Variants in OPCML observed in about 807,000 individuals in gnomAD.
OPCML encodes opioid-binding protein/cell adhesion molecule.
In OPCML, 13 loss-of-function variants were observed where a neutral mutation model predicts 37.8. The ratio of observed to expected loss-of-function variants is 0.34; its 90% CI spans 0.22 to 0.55. OPCML has a LOEUF of 0.55. Ranked by LOEUF, OPCML falls within the 20% of genes least tolerant of loss-of-function variation. OPCML has a pLI of 0.91. For missense variants in OPCML, 341 were observed against 435.6 expected (o/e 0.78, Z 1.93); for synonymous variants, 176 against 168.8 (o/e 1.04, Z -0.33).
intron 3 of OPCML, among the ~76,000 whole-genome samples, chr11:132,650,858 CATTA>C (rs993116922): frequency 6.6e-6 from 1 of 152,122 alleles, no homozygotes; most frequent in African/African-American, 2.4e-5. Flanking sequence ...CGGTTGAATA[CATTA>C]AATTTATTTC....
At chr11:133,196,919 A>C (rs1322289841) in intron 1 of OPCML, among the ~76,000 whole-genome samples, 1 of 152,170 alleles carries the variant, frequency 6.6e-6, no homozygotes, top group Non-Finnish European at 1.5e-5. Flanking sequence ...TCTGTGTACA[A>C]TTTGACATTA....
chr11:132,972,833 G>A (rs903930246), intron 1 of OPCML, among the ~76,000 whole-genome samples: 1 of 152,120 alleles, frequency 6.6e-6, no homozygotes, highest in African/African-American at 2.4e-5. Flanking sequence ...TCTGCTTGAG[G>A]CCCTGAGAGG....
At chr11:132,957,307 GA>G (rs1243928232) in intron 1 of OPCML, among the ~76,000 whole-genome samples, 4 of 152,046 alleles carry the variant, frequency 2.6e-5, no homozygotes, top group African/African-American at 9.7e-5. Context: ...TGGGTGTGAA[GA>G]AAATGGCAAA....
intron 1 of OPCML, among the ~76,000 whole-genome samples, chr11:133,383,336 C>T (rs3923706): frequency 0.57 from 86,180 of 151,906 alleles, 24,835 homozygotes; most frequent in East Asian, 0.74. Context: ...GCTCTTTCTA[C>T]GACAGGAATC....
chr11:133,007,971 A>G (rs1947143699), intron 1 of OPCML: 1 of 985,330 alleles, frequency 1.0e-6, no homozygotes, highest in Admixed American at 6.1e-5. Flanking sequence ...GAATTCCATG[A>G]GGACAGGCAC....
At chr11:132,781,754 G>C (rs1296639374) in intron 2 of OPCML, among the ~76,000 whole-genome samples, 1 of 151,116 alleles carries the variant, frequency 6.6e-6, no homozygotes, top group African/African-American at 2.4e-5. Flanking sequence ...AGAAGAGAAG[G>C]CATTTGAGAC....
Position 132,805,654 on chromosome 11 carries a change from C to T in OPCML, c.146+137272G>A, listed in dbSNP as rs374559173. On this transcript the variant is annotated intron_variant, in intron 2 of 7. Coordinates refer to ENST00000524381, the MANE Select transcript of OPCML (RefSeq NM_001012393.5). ...CTAGAAAGAAAGGGAAACAGTCAGC[C>T]CAGAAATTCTACAGCCAGCAAAAGT... Among the ~76,000 whole-genome samples, 138 of 152,190 alleles carry T rather than the reference C, an allele frequency of 9.1e-4. 1 individual carries two copies. In the Middle Eastern group the frequency reaches 0.02, roughly 23 times the overall value.
chr11:132,503,960 G>T (rs185564569), intron 4 of OPCML, among the ~76,000 whole-genome samples: 1 of 151,988 alleles, frequency 6.6e-6, no homozygotes, highest in South Asian at 2.1e-4. Context: ...AGATATAATG[G>T]TATCTTTTAT....
intron 2 of OPCML, among the ~76,000 whole-genome samples, chr11:132,678,373 T>A (rs1265763065): frequency 6.6e-6 from 1 of 152,208 alleles, no homozygotes; most frequent in Non-Finnish European, 1.5e-5. Context: ...TACCTTATAA[T>A]CCAACAAATG....
intron 2 of OPCML, among the ~76,000 whole-genome samples, chr11:132,867,816 G>T (rs578135780): frequency 6.6e-6 from 1 of 152,152 alleles, no homozygotes; most frequent in Non-Finnish European, 1.5e-5. Flanking sequence ...ATTTAATCGT[G>T]TTAGCAAGGC....
intron 1 of OPCML, among the ~76,000 whole-genome samples, chr11:132,992,175 C>T (rs940010304): frequency 2.6e-5 from 4 of 151,948 alleles, no homozygotes; most frequent in Admixed American, 2.0e-4. Flanking sequence ...ACTCAGAAAG[C>T]CCTCCAAGGC....
intron 3 of OPCML, among the ~76,000 whole-genome samples, chr11:132,536,923 G>T (rs1244296867): frequency 1.3e-5 from 2 of 152,144 alleles, no homozygotes; most frequent in Admixed American, 6.5e-5. Flanking sequence ...ATGTGCACTT[G>T]TGTGCTCATA....
intron 2 of OPCML, among the ~76,000 whole-genome samples, chr11:132,768,933 C>T (rs1486688260): frequency 6.6e-6 from 1 of 152,010 alleles, no homozygotes; most frequent in Non-Finnish European, 1.5e-5. Context: ...TTGATAAAAT[C>T]GTAAAGAGCA....
intron 1 of OPCML, among the ~76,000 whole-genome samples, chr11:133,304,212 G>A (rs1208036337): frequency 6.6e-6 from 1 of 152,180 alleles, no homozygotes; most frequent in Non-Finnish European, 1.5e-5. Flanking sequence ...GCAAACGTCT[G>A]CTGGGACATG....
At chr11:133,327,927 G>C (rs1943516068) in intron 1 of OPCML, among the ~76,000 whole-genome samples, 1 of 152,104 alleles carries the variant, frequency 6.6e-6, no homozygotes, top group Admixed American at 6.5e-5. Context: ...AAGACACTTG[G>C]AGGTATTCAG....
At chr11:133,135,559 G>A (rs1259364734) in intron 1 of OPCML, among the ~76,000 whole-genome samples, 1 of 150,962 alleles carries the variant, frequency 6.6e-6, no homozygotes, top group East Asian at 2.0e-4. Context: ...AATTTTCTGT[G>A]TGGGCGACCA....
intron 1 of OPCML, among the ~76,000 whole-genome samples, chr11:133,249,279 A>T (rs139782867): frequency 6.2e-4 from 95 of 152,276 alleles, no homozygotes; most frequent in African/African-American, 2.1e-3. Flanking sequence ...TAGGCATCCC[A>T]TGGTGAGAGA....
At chr11:132,479,784 G>C (rs191020096) in intron 4 of OPCML, among the ~76,000 whole-genome samples, 2 of 152,096 alleles carry the variant, frequency 1.3e-5, no homozygotes, top group African/African-American at 4.8e-5. Flanking sequence ...TCACAGGGCC[G>C]GGTACTCCAA....
At chr11:133,033,189 T>A (rs1162124733) in intron 1 of OPCML, among the ~76,000 whole-genome samples, 2 of 152,162 alleles carry the variant, frequency 1.3e-5, no homozygotes, top group Non-Finnish European at 2.9e-5. Flanking sequence ...AGGAATTGAG[T>A]CTTGTAGGTT....
Sources: gnomAD v4.1 joint callset for allele counts (sites outside exome capture counted in the v4.1 genomes callset) on GRCh38, gnomAD v4.1.1 for gene constraint, MANE v1.5 for transcripts, NCBI Gene and HGNC (gene_info 2026-07-23, HGNC 2026-07-21) for gene names.